The following CC2D2B variants were observed in gnomAD, a reference collection of about 807,000 sequenced individuals.
The protein encoded by CC2D2B is protein CC2D2B.
A neutral mutation model predicts 161.2 loss-of-function variants in CC2D2B; 128 were observed. The observed-to-expected ratio is 0.79, with a 90% CI of 0.69 to 0.92. CC2D2B has a LOEUF of 0.92. Among genes scored for constraint, CC2D2B ranks in the 40% least tolerant of loss-of-function variants. The pLI, the probability that CC2D2B is intolerant of heterozygous loss-of-function variation, is 0.00. For synonymous variants in CC2D2B, 391 were observed against 449.8 expected, an observed-to-expected ratio of 0.87 and a Z score of 1.65; for missense variants, 1,173 against 1,375.1, an observed-to-expected ratio of 0.85 and a Z score of 2.32.
chr10:95,910,647 G>A (rs375019961), intron 1 of CC2D2B, among the ~76,000 whole-genome samples: 2 of 152,304 alleles, frequency 1.3e-5, no homozygotes, highest in East Asian at 3.9e-4. Flanking sequence ...AGATTTGGAG[G>A]AGACAAACAT....
Position 95,922,012 on chromosome 10 carries a change from G to T in CC2D2B, c.37-4G>T, listed in dbSNP as rs1213042502. 4 of 1,513,620 alleles carry T rather than the reference G, an allele frequency of 2.6e-6. No individual in the cohort carries two copies. The highest frequency in any genetic ancestry group is 4.4e-5 in the Admixed American group (2 of 45,514). 93.8% of individuals were successfully genotyped at this position (1,513,620 alleles called of 1,614,324 possible). ...AAGTTTAACCCTCCCTGCTTTTTTT[G>T]CAGATGTCAGAAGAGATGGATAATA... On this transcript the variant is annotated splice_region_variant and splice_polypyrimidine_tract_variant and intron_variant, in intron 2 of 34. Transcript: ENST00000646931.
chr10:95,915,298 A>AT (rs35289873), intron 2 of CC2D2B, among the ~76,000 whole-genome samples: 13,248 of 151,714 alleles, frequency 0.087, 702 homozygotes, highest in Middle Eastern at 0.16. Flanking sequence ...ATCATTTCTA[A>AT]TTTTTTTTTG....
intron 19 of CC2D2B, 74 bp from the exon 20 acceptor site, chr10:95,988,176 G>A: frequency 2.1e-6 from 1 of 482,242 alleles, no homozygotes; most frequent in Non-Finnish European, 3.3e-6. Flanking sequence ...AGTGACTAGT[G>A]ATATTTATTG....
intron 24 of CC2D2B, among the ~76,000 whole-genome samples, chr10:95,998,547 CAGAG>C (rs143523605): frequency 1.3e-5 from 2 of 150,002 alleles, no homozygotes; most frequent in Admixed American, 6.7e-5. Flanking sequence ...AGGATGTAGA[CAGAG>C]AGAGAGAGAG....
chr10:95,934,353 C>T (rs539352087), intron 6 of CC2D2B, among the ~76,000 whole-genome samples: 1 of 152,210 alleles, frequency 6.6e-6, no homozygotes, highest in East Asian at 1.9e-4. Context: ...GACCACATGG[C>T]TCCCTGGCTT....
intron 11 of CC2D2B, among the ~76,000 whole-genome samples, chr10:95,957,738 T>C (rs1170858263): frequency 6.6e-6 from 1 of 151,062 alleles, no homozygotes; most frequent in African/African-American, 2.4e-5. Flanking sequence ...TTTTTGTATT[T>C]TTAGTAGAGA....
At chr10:95,997,153 T>C (rs1017824314) in intron 24 of CC2D2B, among the ~76,000 whole-genome samples, 2 of 152,248 alleles carry the variant, frequency 1.3e-5, no homozygotes, top group Non-Finnish European at 2.9e-5. Flanking sequence ...CAGCACAAAA[T>C]GAACTAAGAC....
chr10:95,996,744 T>G (rs540684008), intron 24 of CC2D2B, among the ~76,000 whole-genome samples: 1 of 152,358 alleles, frequency 6.6e-6, no homozygotes, highest in Non-Finnish European at 1.5e-5. Context: ...TCTTTAATTA[T>G]TTTGAAAGAT....
Position 96,032,231 on chromosome 10 carries a change from G to C in CC2D2B, c.*223G>C. The C allele has an allele frequency of 2.1e-6, 1 of 475,090 alleles. No individual in the cohort carries two copies. The highest frequency in any genetic ancestry group is 3.1e-5 in the East Asian group (1 of 32,010). The allele number at this position is 475,090 out of a possible 1,614,324, so 29.4% of individuals were successfully genotyped here. ...TCTCACCAGAGACCTCTCCAGGAAG[G>C]ACCTTTGGATAGTCTGGCTTTCTTG... On this transcript the variant is annotated 3_prime_UTR_variant, in exon 35 of 35. Coordinates refer to ENST00000646931, the MANE Select transcript of CC2D2B (RefSeq NM_001349008.3).
At chr10:95,909,954 C>T (rs1212545668) in intron 1 of CC2D2B, among the ~76,000 whole-genome samples, 3 of 152,146 alleles carry the variant, frequency 2.0e-5, no homozygotes, top group African/African-American at 7.2e-5. Flanking sequence ...TGAGACCAGC[C>T]TGAGCAACAC....
Position 95,974,089 on chromosome 10 carries a change from T to C in CC2D2B, c.1876T>C (p.Trp626Arg). 8.1e-7 allele frequency: 1 copy of C among 1,230,326 alleles called. No homozygotes were observed. The highest frequency in any genetic ancestry group is 1.0e-6 in the Non-Finnish European group (1 of 986,330). The allele number at this position is 1,230,326 out of a possible 1,614,324, so 76.2% of individuals were successfully genotyped here. A position where few individuals can be genotyped will look rare whatever the true frequency, so the allele number is the denominator to read the frequency against. Residue 626 changes from tryptophan (W) to arginine (R), a missense_variant, in exon 17 of 35, where the codon TGG (tryptophan) becomes CGG (arginine). By Grantham distance (101) the Trp-to-Arg change is moderately radical. Transcript: ENST00000646931. ...TSGKLSYSLS[W>R]SLDENGLPLI... The stretch of plus-strand genomic sequence containing the variant: ...AGGAAAACTTAGCTATTCTCTATCA[T>C]GGAGCTTAGATGAAAATGGTCTTCC...
At chr10:96,028,377 C>G (rs2079876117) in intron 34 of CC2D2B, among the ~76,000 whole-genome samples, 1 of 152,076 alleles carries the variant, frequency 6.6e-6, no homozygotes, top group African/African-American at 2.4e-5. Context: ...TGAAAAGGTG[C>G]TCAACATCAT....
Position 96,032,212 on chromosome 10 carries a change from CAG to C in CC2D2B, c.*208_*209del, listed in dbSNP as rs2142000615. On this transcript the variant is annotated 3_prime_UTR_variant, in exon 35 of 35. Coordinates refer to ENST00000646931, the MANE Select transcript of CC2D2B (RefSeq NM_001349008.3). The stretch of plus-strand genomic sequence containing the variant: ...GGAGGAGTCTAGATGAGCTTCTCAC[CAG>C]AGACCTCTCCAGGAAGGACCTTTGG... The C allele has an allele frequency of 1.9e-6, 1 of 517,918 alleles. No homozygotes were observed. Among genetic ancestry groups the C allele is most frequent in the East Asian group, 2.9e-5 (1 of 34,308 alleles). 32.1% of individuals were successfully genotyped at this position (517,918 alleles called of 1,614,324 possible). A position where few individuals can be genotyped will look rare whatever the true frequency, so the allele number is the denominator to read the frequency against.
chr10:95,998,280 G>A (rs1162302736), intron 24 of CC2D2B, among the ~76,000 whole-genome samples: 2 of 151,978 alleles, frequency 1.3e-5, no homozygotes, highest in African/African-American at 2.4e-5. Context: ...ATCAACCATA[G>A]TCCATATTTA....
Position 95,991,402 on chromosome 10 carries a change from A to G in CC2D2B, c.2412A>G (p.Lys804=). 8.7e-7 allele frequency: 1 copy of G among 1,149,070 alleles called. No homozygotes were observed. Among genetic ancestry groups the G allele is most frequent in the Non-Finnish European group, 1.1e-6 (1 of 911,734 alleles). 71.2% of individuals were successfully genotyped at this position (1,149,070 alleles called of 1,614,324 possible). A position where few individuals can be genotyped will look rare whatever the true frequency, so the allele number is the denominator to read the frequency against. The stretch of plus-strand genomic sequence containing the variant: ...GGTTGATAATGAAGAGAATTGTTAA[A>G]ATTAGCAAATGTAACTTGTCAGATA... The part of the protein sequence containing the change: ...VRRLIMKRIV[K]ISKCNLSDIV... The change falls in exon 21 of 35, where the codon AAA becomes AAG. Residue 804 remains lysine, a synonymous_variant. Transcript: ENST00000646931.
intron 19 of CC2D2B, among the ~76,000 whole-genome samples, chr10:95,986,222 C>T (rs370764212): frequency 6.8e-6 from 1 of 148,090 alleles, no homozygotes; most frequent in East Asian, 2.0e-4. Flanking sequence ...CGGAACCTGC[C>T]AACATGAGAT....
intron 20 of CC2D2B, among the ~76,000 whole-genome samples, chr10:95,990,776 G>A (rs1207301375): frequency 6.6e-6 from 1 of 152,168 alleles, no homozygotes; most frequent in Non-Finnish European, 1.5e-5. Flanking sequence ...AGGGTAAGAG[G>A]AGAAAGGGAA....
In CC2D2B at chr10:95,941,670, A is replaced by T. The variant is rs186039181; in HGVS notation, c.801+2745A>T. On this transcript the variant is annotated intron_variant, in intron 9 of 34. Transcript: ENST00000646931. ...TCACCTGTTAGGATGGTCATTATTTAAAAAAAAAATCCCCTGAAAATAACA... is the reference window on the plus strand; with the variant it reads ...TCACCTGTTAGGATGGTCATTATTTTAAAAAAAAATCCCCTGAAAATAACA... Among the ~76,000 whole-genome samples the T allele has an allele frequency of 1.1e-3, 164 of 149,328 alleles. No individual in the cohort carries two copies. The East Asian group carries it at 0.012, about 11-fold the overall frequency.
Position 95,968,889 on chromosome 10 carries a change from G to T in CC2D2B, c.1632G>T (p.Val544=). Residue 544 remains valine (V), a synonymous_variant, in exon 15 of 35, where the codon GTG becomes GTT. Transcript: ENST00000646931. The stretch of plus-strand genomic sequence containing the variant: ...TTCAGTTAATGTATTGGCCTGAAGT[G>T]ATTTGTTTGGAGGTATGCCATTGTC... The part of the protein sequence containing the change: ...FNIQLMYWPE[V]ICLEVYEKSK... 1 of 1,228,928 alleles carries T rather than the reference G, an allele frequency of 8.1e-7. No individual in the cohort carries two copies. The highest frequency in any genetic ancestry group is 1.0e-6 in the Non-Finnish European group (1 of 985,312). The allele number at this position is 1,228,928 out of a possible 1,614,324, so 76.1% of individuals were successfully genotyped here.
Sources: gnomAD v4.1 joint callset for allele counts (sites outside exome capture counted in the v4.1 genomes callset) on GRCh38, gnomAD v4.1.1 for gene constraint, MANE v1.5 for transcripts, NCBI Gene and HGNC (gene_info 2026-07-23, HGNC 2026-07-21) for gene names.